The following IMMP2L variants were observed in gnomAD, a reference collection of about 807,000 sequenced individuals.
The protein encoded by IMMP2L is inner mitochondrial membrane peptidase subunit 2.
IMMP2L carries 18 observed loss-of-function variants against 19.3 expected under a neutral mutation model. The observed-to-expected ratio is 0.93, with a 90% CI of 0.64 to 1.38. The LOEUF (loss-of-function observed/expected upper bound fraction) is 1.38. IMMP2L is among the 40% of genes most tolerant of loss of function. IMMP2L has a pLI of 0.00. For missense variants in IMMP2L, 233 were observed against 218.2 expected (o/e 1.07, Z -0.43); for synonymous variants, 76 against 73.0 (o/e 1.04, Z -0.21).
chr7:111,107,312 A>G, intron 3 of IMMP2L, among the ~76,000 whole-genome samples: 1 of 152,044 alleles, frequency 6.6e-6, no homozygotes, highest in Admixed American at 6.6e-5. Context: ...ATTGCCTTAT[A>G]TTACAACGCC....
chr7:110,831,162 T>A (rs1803939544), intron 5 of IMMP2L, among the ~76,000 whole-genome samples: 1 of 152,124 alleles, frequency 6.6e-6, no homozygotes, highest in Admixed American at 6.6e-5. Context: ...CTTGCATTCC[T>A]CGACCCTTAA....
intron 5 of IMMP2L, among the ~76,000 whole-genome samples, chr7:110,690,628 A>C (rs1194807213): frequency 6.6e-6 from 1 of 152,154 alleles, no homozygotes; most frequent in Non-Finnish European, 1.5e-5. Context: ...CAAAATCAAT[A>C]TACACAAATT....
At chr7:110,804,183 AC>A (rs1801454462) in intron 5 of IMMP2L, among the ~76,000 whole-genome samples, 1 of 152,012 alleles carries the variant, frequency 6.6e-6, no homozygotes, top group African/African-American at 2.4e-5. Flanking sequence ...TGGGTGGTAA[AC>A]ACTGTGTTTC....
At position 111,352,661 on chromosome 7, in the gene IMMP2L, C is replaced by T. The variant is rs563282479; in HGVS notation, c.239+134577G>A. Among the ~76,000 whole-genome samples the T allele has an allele frequency of 9.2e-5, 14 of 152,224 alleles. No individual in the cohort carries two copies. The South Asian group carries it at 2.9e-3, about 32-fold the overall frequency. Reference sequence around the variant, plus strand: ...ATATGCTCATCTTAAGAATTCATGACTTCTCATCCTTCTCTTCCCTAAGGT... The same window carrying T: ...ATATGCTCATCTTAAGAATTCATGATTTCTCATCCTTCTCTTCCCTAAGGT... On this transcript the variant is annotated intron_variant, in intron 3 of 5. Coordinates refer to ENST00000405709, the MANE Select transcript of IMMP2L (RefSeq NM_032549.4).
chr7:110,799,023 T>C (rs1183163036), intron 5 of IMMP2L, among the ~76,000 whole-genome samples: 1 of 151,978 alleles, frequency 6.6e-6, no homozygotes, highest in Non-Finnish European at 1.5e-5. Context: ...GCATTTTATG[T>C]CAGTTAAGCT....
intron 5 of IMMP2L, among the ~76,000 whole-genome samples, chr7:110,762,516 G>C (rs527300067): frequency 3.3e-5 from 5 of 152,218 alleles, no homozygotes; most frequent in Admixed American, 2.0e-4. Flanking sequence ...GCCTGCCTCG[G>C]TGTCATTCTC....
intron 1 of IMMP2L, among the ~76,000 whole-genome samples, chr7:111,556,976 C>A (rs905227460): frequency 6.6e-6 from 1 of 152,086 alleles, no homozygotes; most frequent in Non-Finnish European, 1.5e-5. Context: ...CTCCCTCATA[C>A]CTTCTTCCTC....
intron 5 of IMMP2L, among the ~76,000 whole-genome samples, chr7:110,811,154 T>C (rs564278349): frequency 1.3e-5 from 2 of 152,172 alleles, no homozygotes; most frequent in South Asian, 4.1e-4. Context: ...TGAAATTTAT[T>C]AGTTTTTTTT....
chr7:111,233,051 G>A (rs1813886321), intron 3 of IMMP2L, among the ~76,000 whole-genome samples: 1 of 152,000 alleles, frequency 6.6e-6, no homozygotes, highest in Non-Finnish European at 1.5e-5. Context: ...ACTGCTTCAG[G>A]TCAGAATTCC....
At chr7:110,936,408 C>A (rs1231954065) in intron 4 of IMMP2L, among the ~76,000 whole-genome samples, 1 of 151,974 alleles carries the variant, frequency 6.6e-6, no homozygotes, top group Non-Finnish European at 1.5e-5. Flanking sequence ...TAGACACTTG[C>A]CAAAAGAATA....
chr7:111,523,700 A>C (rs543820663), intron 1 of IMMP2L, among the ~76,000 whole-genome samples: 29 of 152,252 alleles, frequency 1.9e-4, no homozygotes, highest in Non-Finnish European at 3.4e-4. Flanking sequence ...GCAATTTAAA[A>C]ACATGTTTTC....
chr7:110,810,848 G>A (rs1256577044), intron 5 of IMMP2L, among the ~76,000 whole-genome samples: 2 of 152,014 alleles, frequency 1.3e-5, no homozygotes, highest in East Asian at 1.9e-4. Context: ...AAATTAATAC[G>A]ACTAAATATT....
intron 3 of IMMP2L, among the ~76,000 whole-genome samples, chr7:111,222,989 A>G (rs919367371): frequency 2.6e-5 from 4 of 152,016 alleles, no homozygotes; most frequent in African/African-American, 9.7e-5. Flanking sequence ...TACACATTGT[A>G]TACCTACATC....
chr7:111,141,488 A>T (rs1348377703), intron 3 of IMMP2L, among the ~76,000 whole-genome samples: 1 of 147,234 alleles, frequency 6.8e-6, no homozygotes. Context: ...TCACTGCCTT[A>T]GCTTTATCTT....
chr7:110,678,066 A>C (rs1220676254), intron 5 of IMMP2L, among the ~76,000 whole-genome samples: 1 of 152,210 alleles, frequency 6.6e-6, no homozygotes, highest in Non-Finnish European at 1.5e-5. Context: ...CCTGTAGACA[A>C]GAACTCTTTC....
At chr7:110,689,640 C>A (rs1007865149) in intron 5 of IMMP2L, among the ~76,000 whole-genome samples, 16 of 152,082 alleles carry the variant, frequency 1.1e-4, no homozygotes. Flanking sequence ...TAATTAGTAT[C>A]TTTGAGATCA....
chr7:110,729,438 C>T (rs1796106404), intron 5 of IMMP2L, among the ~76,000 whole-genome samples: 7 of 152,130 alleles, frequency 4.6e-5, no homozygotes, highest in Admixed American at 4.6e-4. Context: ...ACGAGAATAG[C>T]ATGGGGGAAA....
At chr7:110,902,311 T>C (rs182010326) in intron 4 of IMMP2L, among the ~76,000 whole-genome samples, 1 of 151,616 alleles carries the variant, frequency 6.6e-6, no homozygotes, top group East Asian at 1.9e-4. Context: ...GACAGTAAAT[T>C]AGGTTTTGTG....
intron 4 of IMMP2L, among the ~76,000 whole-genome samples, chr7:110,915,718 T>C (rs924348925): frequency 3.9e-5 from 6 of 152,146 alleles, no homozygotes; most frequent in Non-Finnish European, 8.8e-5. Flanking sequence ...GTATATCAAA[T>C]CATCACACTG....
Sources: allele counts gnomAD v4.1 joint callset (sites outside exome capture counted in the v4.1 genomes callset), GRCh38; gene constraint gnomAD v4.1.1; transcripts MANE v1.5; gene names NCBI Gene and HGNC (gene_info 2026-07-23, HGNC 2026-07-21).